CDKAL1: variants seen among roughly 807,000 people sequenced by gnomAD.
CDKAL1 encodes the protein CDKAL1 threonylcarbamoyladenosine tRNA methylthiotransferase, also known as threonylcarbamoyladenosine tRNA methylthiotransferase.
A neutral mutation model predicts 68.2 loss-of-function variants in CDKAL1; 32 were observed. The ratio of observed to expected loss-of-function variants is 0.47; its 90% CI spans 0.35 to 0.63. CDKAL1 has a LOEUF of 0.63. Ranked by LOEUF, CDKAL1 falls within the 30% of genes least tolerant of loss-of-function variation. The pLI is 0.00. For synonymous variants in CDKAL1, 234 were observed against 244.3 expected (o/e 0.96, Z 0.39); for missense variants, 606 against 696.7 (o/e 0.87, Z 1.47).
chr6:20,656,801 C>G (rs1407301114), intron 5 of CDKAL1, among the ~76,000 whole-genome samples: 1 of 152,062 alleles, frequency 6.6e-6, no homozygotes, highest in Non-Finnish European at 1.5e-5. Flanking sequence ...CATTTAAACA[C>G]TACAAAGCTA....
chr6:20,888,262 G>A (rs1346141635), intron 9 of CDKAL1, among the ~76,000 whole-genome samples: 1 of 151,736 alleles, frequency 6.6e-6, no homozygotes, highest in Non-Finnish European at 1.5e-5. Flanking sequence ...TGCTCAGAAT[G>A]ATGGTTTCCA....
intron 13 of CDKAL1, among the ~76,000 whole-genome samples, chr6:21,151,320 G>A (rs558006710): frequency 6.6e-6 from 1 of 152,204 alleles, no homozygotes; most frequent in Admixed American, 6.5e-5. Context: ...CTCCGACCCA[G>A]CCTCAGCGTG....
At chr6:20,647,774 C>T (rs1285238263) in intron 4 of CDKAL1, among the ~76,000 whole-genome samples, 2 of 152,040 alleles carry the variant, frequency 1.3e-5, no homozygotes, top group Non-Finnish European at 2.9e-5. Flanking sequence ...TTATATAAGG[C>T]ACTCTGGCTG....
intron 4 of CDKAL1, among the ~76,000 whole-genome samples, chr6:20,587,283 G>A (rs145406279): frequency 5.3e-5 from 8 of 152,034 alleles, no homozygotes; most frequent in African/African-American, 1.4e-4. Context: ...TACCACGCCT[G>A]GCCTCCTTCT....
rs115817412 is a variant in CDKAL1 at position 20,564,658 on chromosome 6, A to T, written c.286+15953A>T. Among the ~76,000 whole-genome samples the T allele has an allele frequency of 4.9e-3, 743 of 152,302 alleles. 7 individuals are homozygous for T. The highest frequency in any genetic ancestry group is 0.017 in the African/African-American group (696 of 41,566). ...TGATAAAACCTTGTATTAATGTGAC[A>T]GCTAATGTTTCATGGAAAACCTAGT... On this transcript the variant is annotated intron_variant, in intron 4 of 15. Coordinates refer to ENST00000274695, the MANE Select transcript of CDKAL1 (RefSeq NM_017774.3).
At chr6:20,935,075 T>C (rs1403845663) in intron 9 of CDKAL1, among the ~76,000 whole-genome samples, 1 of 152,018 alleles carries the variant, frequency 6.6e-6, no homozygotes, top group Non-Finnish European at 1.5e-5. Context: ...TTTGTACTTT[T>C]AGTAGAGACG....
chr6:20,923,883 G>A lies in CDKAL1; in HGVS notation c.743-31536G>A, dbSNP rs780517792. ...AAAGATTATCCAGGTGTGGTGGTGC[G>A]TACCTGTAGACCTAGCTACCAGGGA... On this transcript the variant is annotated intron_variant, in intron 9 of 15. Coordinates refer to ENST00000274695, the MANE Select transcript of CDKAL1 (RefSeq NM_017774.3). 7.2e-5 allele frequency among the ~76,000 whole-genome samples: 11 copies of A among 152,152 alleles called. No homozygotes were observed. The South Asian group carries it at 1.0e-3, about 14-fold the overall frequency.
intron 9 of CDKAL1, among the ~76,000 whole-genome samples, chr6:20,914,333 GC>G (rs1762622710): frequency 6.6e-6 from 1 of 151,998 alleles, no homozygotes; most frequent in South Asian, 2.1e-4. Flanking sequence ...ATACCCGCAT[GC>G]CATTTTCTCA....
At chr6:20,871,227 C>T (rs1760196260) in intron 9 of CDKAL1, among the ~76,000 whole-genome samples, 1 of 152,144 alleles carries the variant, frequency 6.6e-6, no homozygotes. Context: ...AGTACATGAA[C>T]ATTTTCGTGA....
chr6:20,792,581 G>A (rs1360609879), intron 8 of CDKAL1, among the ~76,000 whole-genome samples: 1 of 152,052 alleles, frequency 6.6e-6, no homozygotes, highest in African/African-American at 2.4e-5. Flanking sequence ...TCCTGTCTCT[G>A]TTATTTTTTT....
intron 8 of CDKAL1, among the ~76,000 whole-genome samples, chr6:20,838,048 T>G (rs1300186029): frequency 6.6e-6 from 1 of 151,412 alleles, no homozygotes. Flanking sequence ...ACATCTACTT[T>G]TATATATGTA....
At chr6:21,114,772 C>T (rs114434277) in intron 13 of CDKAL1, among the ~76,000 whole-genome samples, 103 of 152,090 alleles carry the variant, frequency 6.8e-4, no homozygotes, top group Non-Finnish European at 1.1e-3. Context: ...AGATAAAAGA[C>T]GGCACTAGGC....
chr6:20,771,454 G>A (rs935329548), intron 7 of CDKAL1, among the ~76,000 whole-genome samples: 4 of 152,136 alleles, frequency 2.6e-5, no homozygotes, highest in Non-Finnish European at 2.9e-5. Context: ...CATTTTTTAA[G>A]ATACATAGAT....
chr6:21,030,385 T>C (rs1769212005), intron 11 of CDKAL1, among the ~76,000 whole-genome samples: 1 of 152,142 alleles, frequency 6.6e-6, no homozygotes, highest in Non-Finnish European at 1.5e-5. Context: ...CATTCGGGAC[T>C]TAAAACCTAG....
At chr6:21,048,303 C>T (rs943048430) in intron 11 of CDKAL1, among the ~76,000 whole-genome samples, 4 of 152,102 alleles carry the variant, frequency 2.6e-5, no homozygotes, top group Admixed American at 6.5e-5. Context: ...TTGTAGTTTG[C>T]CAACCTCTGA....
At chr6:20,965,459 A>G (rs1386019665) in intron 10 of CDKAL1, among the ~76,000 whole-genome samples, 1 of 152,008 alleles carries the variant, frequency 6.6e-6, no homozygotes, top group Non-Finnish European at 1.5e-5. Context: ...TTATAATCAT[A>G]GTTGAATATC....
At chr6:20,925,484 T>A (rs1329284240) in intron 9 of CDKAL1, among the ~76,000 whole-genome samples, 1 of 152,224 alleles carries the variant, frequency 6.6e-6, no homozygotes, top group Non-Finnish European at 1.5e-5. Flanking sequence ...TACTATAGAA[T>A]ATACTGTTAT....
chr6:20,890,929 C>G (rs1344097520), intron 9 of CDKAL1, among the ~76,000 whole-genome samples: 1 of 152,184 alleles, frequency 6.6e-6, no homozygotes, highest in African/African-American at 2.4e-5. Context: ...AGTTCCTCAT[C>G]TAAATGCTTT....
chr6:21,205,822 C>CACCG (rs1562116524), intron 15 of CDKAL1, among the ~76,000 whole-genome samples: 2 of 136,336 alleles, frequency 1.5e-5, no homozygotes, highest in Admixed American at 7.7e-5. Context: ...TGAGCCCCCG[C>CACCG]GCCCAGCCTT....
Sources: allele counts gnomAD v4.1 joint callset (sites outside exome capture counted in the v4.1 genomes callset), GRCh38; gene constraint gnomAD v4.1.1; transcripts MANE v1.5; gene names NCBI Gene and HGNC (gene_info 2026-07-23, HGNC 2026-07-21).